DAB1: variants seen among roughly 807,000 people sequenced by gnomAD.
The protein encoded by DAB1 is disabled homolog 1.
DAB1 carries 15 observed loss-of-function variants against 64.6 expected under a neutral mutation model. That is an observed-to-expected ratio of 0.23 (90% CI 0.16 to 0.36). The LOEUF (loss-of-function observed/expected upper bound fraction) is 0.36. DAB1 is among the 10% of genes least tolerant of loss of function. The pLI, the probability that DAB1 is intolerant of heterozygous loss-of-function variation, is 1.00. For synonymous variants in DAB1, 235 were observed against 251.9 expected (o/e 0.93, Z 0.64); for missense variants, 596 against 706.7 (o/e 0.84, Z 1.78).
intron 7 of DAB1, among the ~76,000 whole-genome samples, chr1:57,527,039 G>T (rs767177399): frequency 3.0e-4 from 46 of 152,052 alleles, no homozygotes; most frequent in South Asian, 6.2e-4. Context: ...GGTAAGAAAT[G>T]AAGACACAAA....
intron 1 of DAB1, among the ~76,000 whole-genome samples, chr1:57,373,491 T>C (rs779957670): frequency 2.0e-5 from 3 of 152,042 alleles, no homozygotes; most frequent in Non-Finnish European, 4.4e-5. Flanking sequence ...AAAGGCACCA[T>C]TGGAAAGCAT....
chr1:57,000,292 C>T (rs1645808439), intron 14 of DAB1, among the ~76,000 whole-genome samples: 1 of 152,086 alleles, frequency 6.6e-6, no homozygotes. Flanking sequence ...GATCCGCCCA[C>T]CTCGGCCTCC....
At chr1:57,491,129 G>A (rs768542197) in intron 7 of DAB1, among the ~76,000 whole-genome samples, 6 of 152,272 alleles carry the variant, frequency 3.9e-5, no homozygotes, top group Non-Finnish European at 7.4e-5. Flanking sequence ...GTAAAATAAG[G>A]ATAACAATAT....
intron 5 of DAB1, among the ~76,000 whole-genome samples, chr1:58,090,002 G>A (rs1650545303): frequency 6.6e-6 from 1 of 152,350 alleles, no homozygotes; most frequent in Non-Finnish European, 1.5e-5. Context: ...GGCAGTAAAA[G>A]CAAGTCGGGG....
intron 7 of DAB1, among the ~76,000 whole-genome samples, chr1:57,596,194 T>TCCC (rs1282915840): frequency 3.3e-5 from 5 of 152,204 alleles, no homozygotes; most frequent in Non-Finnish European, 7.3e-5. Context: ...CTTCTGAAAG[T>TCCC]CCCCTGTTGA....
intron 11 of DAB1, 122 bp downstream of exon 11, chr1:57,023,409 C>T (rs1210961919): frequency 1.6e-6 from 1 of 643,660 alleles, no homozygotes; most frequent in East Asian, 2.8e-5. Context: ...TCAATGTCAC[C>T]TGAAGAGTCA....
At chr1:57,883,460 T>G (rs1348134738) in intron 1 of DAB1, among the ~76,000 whole-genome samples, 2 of 152,178 alleles carry the variant, frequency 1.3e-5, no homozygotes, top group Non-Finnish European at 2.9e-5. Context: ...TGAAGGGTAA[T>G]AAGGCAGAGA....
chr1:58,432,726 G>C (rs1213109025), intron 3 of DAB1, among the ~76,000 whole-genome samples: 1 of 152,212 alleles, frequency 6.6e-6, no homozygotes, highest in Non-Finnish European at 1.5e-5. Context: ...ATCCCAAACT[G>C]ACACTTTGCC....
At chr1:57,734,561 C>T (rs1312963863) in intron 6 of DAB1, among the ~76,000 whole-genome samples, 2 of 152,194 alleles carry the variant, frequency 1.3e-5, no homozygotes, top group Non-Finnish European at 2.9e-5. Flanking sequence ...ATTCCATTCT[C>T]CACTTTTTTT....
chr1:57,064,742 A>C (rs377401524), intron 8 of DAB1, among the ~76,000 whole-genome samples: 8 of 152,124 alleles, frequency 5.3e-5, no homozygotes, highest in African/African-American at 1.9e-4. Flanking sequence ...CCAGAAGCTC[A>C]TCTACACTCT....
At chr1:58,397,575 A>T (rs1308259568) in intron 3 of DAB1, among the ~76,000 whole-genome samples, 3 of 152,138 alleles carry the variant, frequency 2.0e-5, no homozygotes, top group Non-Finnish European at 4.4e-5. Flanking sequence ...TGGGCTCCAC[A>T]TACCTATCCA....
intron 1 of DAB1, among the ~76,000 whole-genome samples, chr1:57,849,116 G>A (rs1487433947): frequency 6.6e-6 from 1 of 152,100 alleles, no homozygotes; most frequent in African/African-American, 2.4e-5. Context: ...CTTGAGACAG[G>A]GGAAATTACA....
At chr1:57,195,557 G>A (rs1314690530) in intron 2 of DAB1, among the ~76,000 whole-genome samples, 1 of 152,244 alleles carries the variant, frequency 6.6e-6, no homozygotes, top group African/African-American at 2.4e-5. Flanking sequence ...TCATTACTGA[G>A]ATGCTGCAGC....
rs887789978 is a variant in DAB1, at chr1:57,072,283, C to T, written c.438G>A (p.Ala146=). The change falls in exon 5 of 15, where the codon GCG becomes GCA. Residue 146 remains alanine (A), a splice_region_variant and synonymous_variant. Coordinates refer to ENST00000371236, the MANE Select transcript of DAB1 (RefSeq NM_001365792.1). The stretch of plus-strand genomic sequence containing the variant: ...TCCCTTCTTGGATAGGGATACTCAC[C>T]GCCTGGGCTGTTTTTATGGCCACAA... ...HRFVAIKTAQ[A]AEPVILDLRD... 16 of 1,613,342 alleles carry T rather than the reference C, an allele frequency of 9.9e-6. No homozygotes were observed. The highest frequency in any genetic ancestry group is 6.7e-5 in the East Asian group (3 of 44,838).
chr1:57,551,007 G>T (rs1400738958), intron 7 of DAB1, among the ~76,000 whole-genome samples: 1 of 152,158 alleles, frequency 6.6e-6, no homozygotes, highest in Admixed American at 6.5e-5. Context: ...CAGGAATCTG[G>T]ATATCTCAGG....
chr1:58,231,746 T>C (rs1659782148), intron 4 of DAB1, among the ~76,000 whole-genome samples: 1 of 152,212 alleles, frequency 6.6e-6, no homozygotes, highest in Admixed American at 6.5e-5. Flanking sequence ...AACAGTACAC[T>C]GACAATAAAC....
At chr1:57,901,069 A>G (rs1644466419) in intron 5 of DAB1, among the ~76,000 whole-genome samples, 1 of 152,154 alleles carries the variant, frequency 6.6e-6, no homozygotes, top group African/African-American at 2.4e-5. Flanking sequence ...TAAAGGAAAA[A>G]TTATTCTAAT....
chr1:58,216,960 C>T (rs980810721), intron 4 of DAB1, among the ~76,000 whole-genome samples: 2 of 152,178 alleles, frequency 1.3e-5, no homozygotes, highest in African/African-American at 4.8e-5. Flanking sequence ...TTTCTTCCTA[C>T]ACAACACAAA....
intron 1 of DAB1, among the ~76,000 whole-genome samples, chr1:57,406,673 C>T (rs1683666744): frequency 6.6e-6 from 1 of 152,174 alleles, no homozygotes; most frequent in East Asian, 1.9e-4. Context: ...ATCTCAGAGA[C>T]CCAGTGCCCA....
Sources: allele counts gnomAD v4.1 joint callset (sites outside exome capture counted in the v4.1 genomes callset), GRCh38; gene constraint gnomAD v4.1.1; transcripts MANE v1.5; gene names NCBI Gene and HGNC (gene_info 2026-07-23, HGNC 2026-07-21).